THSD4: variants seen among roughly 807,000 people sequenced by gnomAD.
THSD4 encodes thrombospondin type-1 domain-containing protein 4.
Under a neutral mutation model 119.0 loss-of-function variants are expected in THSD4, and 69 were observed. That is an observed-to-expected ratio of 0.58 (90% CI 0.48 to 0.71). The LOEUF is 0.71. Among genes scored for constraint, THSD4 ranks in the 30% least tolerant of loss-of-function variants. THSD4 has a pLI of 0.00. For missense variants in THSD4, 1,393 were observed against 1,391.1 expected, an observed-to-expected ratio of 1.00 and a Z score of -0.02; for synonymous variants, 524 against 540.4, an observed-to-expected ratio of 0.97 and a Z score of 0.42.
intron 7 of THSD4, among the ~76,000 whole-genome samples, chr15:71,434,590 G>C (rs921873117): frequency 6.6e-6 from 1 of 151,974 alleles, no homozygotes; most frequent in African/African-American, 2.4e-5. Flanking sequence ...ATAGTTTAGC[G>C]TGGAGGGATG....
chr15:71,686,888 G>A (rs2051922566), intron 8 of THSD4, among the ~76,000 whole-genome samples: 1 of 152,186 alleles, frequency 6.6e-6, no homozygotes, highest in African/African-American at 2.4e-5. Context: ...ATTTGGCTCA[G>A]AGACTGTGTT....
intron 7 of THSD4, among the ~76,000 whole-genome samples, chr15:71,645,406 CATGAGA>C (rs2050949406): frequency 6.6e-6 from 1 of 152,140 alleles, no homozygotes; most frequent in African/African-American, 2.4e-5. Flanking sequence ...CATCAGATCT[CATGAGA>C]ACTTACCATC....
chr15:71,601,484 G>C (rs890031863), intron 7 of THSD4, among the ~76,000 whole-genome samples: 3 of 152,214 alleles, frequency 2.0e-5, no homozygotes, highest in South Asian at 4.1e-4. Flanking sequence ...GCAAGGCACT[G>C]TCATGGGCCT....
At chr15:71,666,352 G>A (rs913441154) in intron 8 of THSD4, among the ~76,000 whole-genome samples, 2 of 152,106 alleles carry the variant, frequency 1.3e-5, no homozygotes, top group Admixed American at 6.5e-5. Context: ...AAAGGTACAA[G>A]TGCAGGTTTG....
At chr15:71,638,840 G>T (rs555855864) in intron 7 of THSD4, among the ~76,000 whole-genome samples, 6 of 152,256 alleles carry the variant, frequency 3.9e-5, no homozygotes, top group African/African-American at 1.4e-4. Context: ...AATATCAGTG[G>T]CTTAATACAA....
intron 3 of THSD4, among the ~76,000 whole-genome samples, chr15:71,214,101 C>T (rs1431470117): frequency 2.0e-5 from 3 of 150,166 alleles, no homozygotes; most frequent in Non-Finnish European, 3.0e-5. Context: ...TGTAAAAACA[C>T]ACCAATCAGC....
rs2045294679 is a variant in THSD4, at chr15:71,323,207, A to G, written c.1015+66492A>G. Among the ~76,000 whole-genome samples, 3 of 152,150 alleles carry G rather than the reference A, an allele frequency of 2.0e-5. No individual in the cohort carries two copies. The South Asian group carries it at 6.2e-4, about 32-fold the overall frequency. ...CTCTATTGGTTACACAGACTAGTGC[A>G]GATTCAGTATGTGAGGAGACCACCC... On this transcript the variant is annotated intron_variant, in intron 6 of 17. Transcript: ENST00000261862.
intron 7 of THSD4, among the ~76,000 whole-genome samples, chr15:71,440,635 TTGA>T (rs1290230679): frequency 1.3e-4 from 20 of 152,348 alleles, no homozygotes; most frequent in Admixed American, 1.1e-3. Context: ...GTAATACTGC[TTGA>T]TGATGACTTT....
rs2291994 is a variant in THSD4 at position 71,745,271 on chromosome 15, G to A, written c.2036+36G>A. ...CCCTCCATTTAGGTCGCCTATTACC[G>A]GGTCACTTCAGGTCACTTATGCACA... is the stretch of plus-strand genomic sequence containing the variant. On this transcript the variant is annotated intron_variant, in intron 12 of 17. Coordinates refer to ENST00000261862, the MANE Select transcript of THSD4 (RefSeq NM_024817.3). The A allele has an allele frequency of 0.73, 1,177,490 of 1,609,884 alleles. 436,689 individuals carry two copies. The highest frequency in any genetic ancestry group is 0.85 in the East Asian group (38,197 of 44,770).
intron 6 of THSD4, among the ~76,000 whole-genome samples, chr15:71,316,906 A>G (rs1442648096): frequency 1.3e-5 from 2 of 152,242 alleles, no homozygotes; most frequent in Non-Finnish European, 2.9e-5. Flanking sequence ...ACCATTGTCA[A>G]TGCTGACATT....
chr15:71,109,808 A>G (rs1233381991), intron 1 of THSD4, among the ~76,000 whole-genome samples: 1 of 151,806 alleles, frequency 6.6e-6, no homozygotes, highest in African/African-American at 2.4e-5. Context: ...ACTAGCACAT[A>G]GTAGGTGGTC....
intron 7 of THSD4, among the ~76,000 whole-genome samples, chr15:71,510,812 T>G (rs2048270971): frequency 6.6e-6 from 1 of 152,050 alleles, no homozygotes; most frequent in South Asian, 2.1e-4. Flanking sequence ...AAAGTCTCAT[T>G]ATTTACCTCA....
intron 7 of THSD4, among the ~76,000 whole-genome samples, chr15:71,566,482 C>A (rs574568144): frequency 1.3e-5 from 2 of 152,226 alleles, no homozygotes; most frequent in Admixed American, 1.3e-4. Flanking sequence ...TGGGGGTAGA[C>A]AGATAACTAG....
At position 71,165,788 on chromosome 15, in the gene THSD4, G is replaced by T. The variant is rs954095947; in HGVS notation, c.99+10856G>T. Among the ~76,000 whole-genome samples the T allele has an allele frequency of 2.0e-5, 3 of 152,102 alleles. No individual in the cohort carries two copies. The South Asian group carries it at 6.2e-4, about 32-fold the overall frequency. On this transcript the variant is annotated intron_variant, in intron 3 of 17. Transcript: ENST00000261862. ...TGGTTGTCAGGCTAAGCATGTGTGG[G>T]TGTGGTGGGCCAGCAGGCTGTTTGG...
At chr15:71,539,045 CCT>C (rs1296028187) in intron 7 of THSD4, among the ~76,000 whole-genome samples, 1 of 152,298 alleles carries the variant, frequency 6.6e-6, no homozygotes, top group East Asian at 1.9e-4. Flanking sequence ...GGCTTTGGCC[CCT>C]TTCAGATAGA....
intron 6 of THSD4, among the ~76,000 whole-genome samples, chr15:71,337,692 A>G (rs551796140): frequency 2.1e-4 from 31 of 150,266 alleles, no homozygotes; most frequent in Non-Finnish European, 3.0e-5. Context: ...CCCCTCAGCC[A>G]GGCTGGAAGA....
chr15:71,566,454 C>T (rs1345757870), intron 7 of THSD4, among the ~76,000 whole-genome samples: 1 of 152,098 alleles, frequency 6.6e-6, no homozygotes, highest in East Asian at 1.9e-4. Context: ...CCACCAGAGC[C>T]CTCTGTGACA....
chr15:71,104,070 A>C (rs777997909), intron 1 of THSD4, among the ~76,000 whole-genome samples: 3 of 152,176 alleles, frequency 2.0e-5, no homozygotes, highest in Admixed American at 6.5e-5. Flanking sequence ...CAGGATTTAT[A>C]GTTACATTTA....
At chr15:71,368,768 G>A (rs527532553) in intron 6 of THSD4, among the ~76,000 whole-genome samples, 11 of 152,240 alleles carry the variant, frequency 7.2e-5, no homozygotes, top group Admixed American at 2.6e-4. Context: ...GGCTATGTGC[G>A]CTCTTTTTTG....
Sources: allele counts gnomAD v4.1 joint callset (sites outside exome capture counted in the v4.1 genomes callset), GRCh38; gene constraint gnomAD v4.1.1; transcripts MANE v1.5; gene names NCBI Gene and HGNC (gene_info 2026-07-23, HGNC 2026-07-21).